The following ANKRD44 variants were observed in gnomAD, a reference collection of about 807,000 sequenced individuals.
ANKRD44 encodes the protein serine/threonine-protein phosphatase 6 regulatory ankyrin repeat subunit B.
In ANKRD44, 35 loss-of-function variants were observed where a neutral mutation model predicts 116.0. The observed-to-expected ratio is 0.30, with a 90% CI of 0.23 to 0.40. ANKRD44 has a LOEUF of 0.40. ANKRD44 is among the 10% of genes least tolerant of loss of function. The pLI is 1.00. For missense variants in ANKRD44, 1,014 were observed against 1,242.6 expected (o/e 0.82, Z 2.77); for synonymous variants, 435 against 461.8 (o/e 0.94, Z 0.74).
intron 1 of ANKRD44, among the ~76,000 whole-genome samples, chr2:197,297,897 G>T (rs1297271685): frequency 1.3e-5 from 2 of 152,072 alleles, no homozygotes; most frequent in Non-Finnish European, 2.9e-5. Context: ...TTATACTAAG[G>T]CTCCAAAGTA....
chr2:197,154,577 T>C (rs1358970365), intron 2 of ANKRD44, among the ~76,000 whole-genome samples: 1 of 152,184 alleles, frequency 6.6e-6, no homozygotes, highest in Non-Finnish European at 1.5e-5. Flanking sequence ...TTACCTATTG[T>C]TAAATTTGGT....
intron 1 of ANKRD44, among the ~76,000 whole-genome samples, chr2:197,254,399 C>G (rs772570305): frequency 1.6e-5 from 2 of 122,444 alleles, no homozygotes; most frequent in Non-Finnish European, 3.9e-5. Context: ...ACAACAACAA[C>G]AAAAAAAACT....
At chr2:197,161,917 A>G (rs952810671) in intron 2 of ANKRD44, among the ~76,000 whole-genome samples, 3 of 152,172 alleles carry the variant, frequency 2.0e-5, no homozygotes, top group African/African-American at 7.2e-5. Context: ...AGATCCAGGC[A>G]TATCTCTCTA....
intron 8 of ANKRD44, among the ~76,000 whole-genome samples, chr2:197,116,825 G>A (rs1355871910): frequency 6.6e-6 from 1 of 152,058 alleles, no homozygotes; most frequent in Non-Finnish European, 1.5e-5. Context: ...ACACTATTGG[G>A]CTTCTCAGAC....
intron 1 of ANKRD44, among the ~76,000 whole-genome samples, chr2:197,304,379 TGGA>T (rs2084007401): frequency 4.6e-5 from 7 of 152,136 alleles, no homozygotes; most frequent in Admixed American, 3.3e-4. Flanking sequence ...TGAAGTAGGG[TGGA>T]GAATAGGAAT....
intron 8 of ANKRD44, among the ~76,000 whole-genome samples, chr2:197,114,496 G>A (rs1359421946): frequency 6.6e-6 from 1 of 152,188 alleles, no homozygotes; most frequent in East Asian, 1.9e-4. Context: ...GCCTAAGGAA[G>A]ATTAATCTTT....
At chr2:197,164,382 C>T (rs1431967104) in intron 2 of ANKRD44, among the ~76,000 whole-genome samples, 1 of 152,150 alleles carries the variant, frequency 6.6e-6, no homozygotes, top group African/African-American at 2.4e-5. Flanking sequence ...AGTTCCCTGG[C>T]GGGGCCTGGT....
At position 196,998,926 on chromosome 2, in the gene ANKRD44, A is replaced by T. The variant is rs2076064026; in HGVS notation, c.2646T>A (p.Asn882Lys). ...ACATACCCACAGCGCCTGCCTGCCC[A>T]TTCTCAGCAGCCATCATCAGTGCTG... ...GKTALMMAAE[N>K]GQAGAVDILV... The change falls in exon 24 of 28, where the codon AAT becomes AAA. Residue 882 changes from asparagine to lysine, a missense_variant. By Grantham distance (94) the Asn-to-Lys change is moderately conservative. Coordinates refer to ENST00000282272, the MANE Select transcript of ANKRD44 (RefSeq NM_001195144.2). The T allele has an allele frequency of 6.2e-7, 1 of 1,614,096 alleles. No individual in the cohort carries two copies. The highest frequency in any genetic ancestry group is 8.5e-7 in the Non-Finnish European group (1 of 1,180,038).
chr2:197,276,656 A>G (rs1559211146), intron 1 of ANKRD44, among the ~76,000 whole-genome samples: 1 of 152,180 alleles, frequency 6.6e-6, no homozygotes, highest in Admixed American at 6.5e-5. Context: ...CCTTTATATT[A>G]TAATTAGAGT....
intron 8 of ANKRD44, among the ~76,000 whole-genome samples, chr2:197,114,538 C>T (rs1186058854): frequency 6.6e-6 from 1 of 152,138 alleles, no homozygotes; most frequent in East Asian, 1.9e-4. Flanking sequence ...TTTTCTTGAC[C>T]ACCAGTCTCC....
intron 1 of ANKRD44, among the ~76,000 whole-genome samples, chr2:197,189,146 A>G (rs974969500): frequency 5.3e-5 from 8 of 152,208 alleles, no homozygotes; most frequent in Admixed American, 3.3e-4. Flanking sequence ...CAATATAAGT[A>G]CTATCAGTAA....
At position 196,988,771 on chromosome 2, in the gene ANKRD44, G is replaced by A; in HGVS notation, c.*820C>T. 1.0e-6 allele frequency: 1 copy of A among 985,384 alleles called. No individual in the cohort carries two copies. Among genetic ancestry groups the A allele is most frequent in the Non-Finnish European group, 1.2e-6 (1 of 829,924 alleles). The allele number at this position is 985,384 out of a possible 1,614,324, so 61.0% of individuals were successfully genotyped here. A position where few individuals can be genotyped will look rare whatever the true frequency, so the allele number is the denominator to read the frequency against. On this transcript the variant is annotated 3_prime_UTR_variant, in exon 28 of 28. Coordinates refer to ENST00000282272, the MANE Select transcript of ANKRD44 (RefSeq NM_001195144.2). ...CTTCCTCAAGTAGAAAATAGCACTT[G>A]AGCTGGTGATTTTTATTTCTCCTTT... is the stretch of plus-strand genomic sequence containing the variant.
At chr2:197,144,778 T>C (rs1009633602) in intron 3 of ANKRD44, among the ~76,000 whole-genome samples, 5 of 152,138 alleles carry the variant, frequency 3.3e-5, no homozygotes, top group African/African-American at 1.2e-4. Flanking sequence ...TCTATGCCCT[T>C]GTGAAGGTGA....
At chr2:197,186,013 G>A (rs1046075845) in intron 2 of ANKRD44, among the ~76,000 whole-genome samples, 7 of 152,176 alleles carry the variant, frequency 4.6e-5, no homozygotes, top group African/African-American at 9.7e-5. Flanking sequence ...GAGTATGGCC[G>A]TGTTCCAACA....
At chr2:197,202,780 G>A (rs1055114559) in intron 1 of ANKRD44, among the ~76,000 whole-genome samples, 3 of 151,974 alleles carry the variant, frequency 2.0e-5, no homozygotes, top group African/African-American at 7.3e-5. Flanking sequence ...GTCTCGTCAT[G>A]TTGGACAGGC....
intron 10 of ANKRD44, among the ~76,000 whole-genome samples, chr2:197,090,773 A>G (rs2125179270): frequency 6.6e-6 from 1 of 152,316 alleles, no homozygotes. Context: ...GCTAGTAGAC[A>G]GGACTATGGC....
chr2:197,131,606 G>A (rs895822298), intron 4 of ANKRD44, among the ~76,000 whole-genome samples: 2 of 152,038 alleles, frequency 1.3e-5, no homozygotes, highest in South Asian at 2.1e-4. Flanking sequence ...CCAAAAGACA[G>A]TCTCTAGAAT....
chr2:197,122,549 T>C, intron 7 of ANKRD44, 101 bp downstream of exon 7: 28 of 1,442,706 alleles, frequency 1.9e-5, no homozygotes, highest in Non-Finnish European at 2.6e-5. Context: ...AGAAAACAAT[T>C]CCCCTGCCCT....
At chr2:196,967,987 C>T (rs1278284325) in intron 21 of ANKRD44, among the ~76,000 whole-genome samples, 3 of 151,542 alleles carry the variant, frequency 2.0e-5, no homozygotes, top group Non-Finnish European at 4.4e-5. Flanking sequence ...CTCCTTTTGC[C>T]TTCCACCATA....
Sources: allele counts gnomAD v4.1 joint callset (sites outside exome capture counted in the v4.1 genomes callset), GRCh38; gene constraint gnomAD v4.1.1; transcripts MANE v1.5; gene names NCBI Gene and HGNC (gene_info 2026-07-23, HGNC 2026-07-21).